Variants in PRIM2 observed in about 807,000 individuals in gnomAD.
The protein encoded by PRIM2 is DNA primase subunit 2, also known as DNA primase large subunit.
A neutral mutation model predicts 67.3 loss-of-function variants in PRIM2; 39 were observed. The observed-to-expected ratio is 0.58, with a 90% CI of 0.45 to 0.76. The LOEUF is 0.76. Among genes scored for constraint, PRIM2 ranks in the 30% least tolerant of loss-of-function variants. The probability of loss-of-function intolerance (pLI) is 0.00; values close to 1 mark genes in which losing one functional copy is unlikely to be tolerated. For missense variants in PRIM2, 398 were observed against 598.7 expected, an observed-to-expected ratio of 0.66 and a Z score of 3.50; for synonymous variants, 143 against 198.7, an observed-to-expected ratio of 0.72 and a Z score of 2.36.
intron 10 of PRIM2, among the ~76,000 whole-genome samples, chr6:57,577,285 T>A (rs1372177298): frequency 2.0e-5 from 3 of 152,208 alleles, no homozygotes; most frequent in African/African-American, 7.2e-5. Context: ...TCTTACTGTG[T>A]GCATTTGAAC....
At chr6:57,340,342 C>A (rs999447810) in intron 5 of PRIM2, among the ~76,000 whole-genome samples, 2 of 152,130 alleles carry the variant, frequency 1.3e-5, no homozygotes, top group Non-Finnish European at 1.5e-5. Flanking sequence ...TTGACCCAGC[C>A]ATCCCATTAC....
intron 5 of PRIM2, among the ~76,000 whole-genome samples, chr6:57,340,151 A>G (rs1160573564): frequency 6.6e-6 from 1 of 152,240 alleles, no homozygotes; most frequent in South Asian, 2.1e-4. Context: ...CAAAACCACA[A>G]TGAGATACCA....
intron 7 of PRIM2, among the ~76,000 whole-genome samples, chr6:57,449,924 G>T (rs1772486906): frequency 6.6e-6 from 1 of 152,094 alleles, no homozygotes; most frequent in Non-Finnish European, 1.5e-5. Flanking sequence ...GTAAAATTCA[G>T]ACTGTGTCAC....
intron 7 of PRIM2, among the ~76,000 whole-genome samples, chr6:57,443,826 A>G (rs1772278453): frequency 6.6e-6 from 1 of 152,180 alleles, no homozygotes; most frequent in Non-Finnish European, 1.5e-5. Flanking sequence ...AATTAAAAAA[A>G]AAAGTGATTG....
the PRIM2 span, among the ~76,000 whole-genome samples, chr6:57,272,840 A>C: frequency 6.6e-6 from 1 of 152,162 alleles, no homozygotes; most frequent in Non-Finnish European, 1.5e-5. Context: ...AAAATCTCTC[A>C]GCATTTGCTT....
At chr6:57,504,608 G>A (rs1554347146) in intron 7 of PRIM2, among the ~76,000 whole-genome samples, 1 of 152,038 alleles carries the variant, frequency 6.6e-6, no homozygotes, top group Admixed American at 6.5e-5. Flanking sequence ...TAAACAACTC[G>A]TTTAGGCTTT....
At chr6:57,629,430 C>A (rs1290079814) in intron 12 of PRIM2, among the ~76,000 whole-genome samples, 1 of 152,092 alleles carries the variant, frequency 6.6e-6, no homozygotes, top group Non-Finnish European at 1.5e-5. Context: ...AGTTTTAGAA[C>A]TAGTTATTTA....
chr6:57,410,180 C>T (rs12181299), intron 7 of PRIM2, among the ~76,000 whole-genome samples: 17 of 151,648 alleles, frequency 1.1e-4, no homozygotes, highest in South Asian at 4.2e-4. Flanking sequence ...AAAAATTAAC[C>T]GGCTGTGGTG....
chr6:57,348,840 C>T (rs969166405), intron 5 of PRIM2, among the ~76,000 whole-genome samples: 4 of 150,522 alleles, frequency 2.7e-5, no homozygotes, highest in Admixed American at 6.7e-5. Flanking sequence ...CTCTGCCTCC[C>T]GGGTTCAAGC....
chr6:57,612,029 A>T (rs1326513237), intron 12 of PRIM2, among the ~76,000 whole-genome samples: 1 of 152,166 alleles, frequency 6.6e-6, no homozygotes, highest in Non-Finnish European at 1.5e-5. Flanking sequence ...TAAAACTACA[A>T]TGAATACCAT....
the PRIM2 span, among the ~76,000 whole-genome samples, chr6:57,247,087 C>T: frequency 1.3e-5 from 2 of 152,150 alleles, no homozygotes; most frequent in Non-Finnish European, 2.9e-5. Flanking sequence ...ATCTCCTGAC[C>T]TCGTGATCCG....
rs1237221523 is a variant in PRIM2 at position 57,641,420 on chromosome 6, C to T, written c.1300-4508C>T. On this transcript the variant is annotated intron_variant, in intron 13 of 13. Coordinates refer to ENST00000615550, the MANE Select transcript of PRIM2 (RefSeq NM_000947.5). ...TAATTAAACTAAAGAGCTTTTGCAC[C>T]GCAAAAGAAACTATCATCAGAGTGA... Among the ~76,000 whole-genome samples the T allele has an allele frequency of 1.1e-3, 170 of 151,960 alleles. 3 individuals are homozygous for T. In the South Asian group the frequency reaches 0.019, roughly 17 times the overall value.
intron 5 of PRIM2, among the ~76,000 whole-genome samples, chr6:57,359,456 A>AGTACCT (rs1296801591): frequency 6.6e-6 from 1 of 152,216 alleles, no homozygotes; most frequent in Non-Finnish European, 1.5e-5. Context: ...ACCTCTGGTG[A>AGTACCT]CTTCATTTGG....
intron 8 of PRIM2, among the ~76,000 whole-genome samples, chr6:57,517,287 G>A (rs2127462774): frequency 6.6e-6 from 1 of 152,218 alleles, no homozygotes; most frequent in South Asian, 2.1e-4. Context: ...CACTAACAGT[G>A]CAAAATAATA....
intron 7 of PRIM2, among the ~76,000 whole-genome samples, chr6:57,403,485 A>G (rs1770783456): frequency 6.6e-6 from 1 of 151,972 alleles, no homozygotes; most frequent in Admixed American, 6.6e-5. Flanking sequence ...GATGGTCTCA[A>G]TCTCCTGACC....
intron 7 of PRIM2, among the ~76,000 whole-genome samples, chr6:57,446,964 G>A (rs1772388580): frequency 6.6e-6 from 1 of 152,184 alleles, no homozygotes; most frequent in African/African-American, 2.4e-5. Context: ...AGAAAGTCCA[G>A]GCCCTGGAGC....
intron 7 of PRIM2, among the ~76,000 whole-genome samples, chr6:57,403,699 T>C (rs1770791205): frequency 6.6e-6 from 1 of 152,228 alleles, no homozygotes; most frequent in Non-Finnish European, 1.5e-5. Context: ...TTTTCTTTGT[T>C]TTCTAGTTGC....
chr6:57,470,475 T>G (rs1444800235), intron 7 of PRIM2, among the ~76,000 whole-genome samples: 3 of 75,706 alleles, frequency 4.0e-5, no homozygotes, highest in Non-Finnish European at 7.9e-5. Context: ...CCCTCTCTTT[T>G]TTTGGCAAAG....
At chr6:57,593,488 A>C (rs1776317368) in intron 10 of PRIM2, among the ~76,000 whole-genome samples, 1 of 152,098 alleles carries the variant, frequency 6.6e-6, no homozygotes. Flanking sequence ...TTATTAGTAG[A>C]GATGGGGTTT....
Sources: gnomAD v4.1 joint callset for allele counts (sites outside exome capture counted in the v4.1 genomes callset) on GRCh38, gnomAD v4.1.1 for gene constraint, MANE v1.5 for transcripts, NCBI Gene and HGNC (gene_info 2026-07-23, HGNC 2026-07-21) for gene names.